The following CLHC1 variants were observed in gnomAD, a reference collection of about 807,000 sequenced individuals.
The protein encoded by CLHC1 is clathrin heavy chain linker domain containing 1.
In CLHC1, 72 loss-of-function variants were observed where a neutral mutation model predicts 69.5. The ratio of observed to expected loss-of-function variants is 1.04; its 90% confidence interval spans 0.86 to 1.26. The LOEUF is 1.26. Ranked by LOEUF, CLHC1 falls within the 50% of genes most tolerant of loss-of-function variation. The probability of loss-of-function intolerance (pLI) is 0.00; values close to 1 mark genes in which losing one functional copy is unlikely to be tolerated. For missense variants in CLHC1, 790 were observed against 679.3 expected (o/e 1.16, Z -1.81); for synonymous variants, 223 against 224.3 (o/e 0.99, Z 0.05).
chr2:55,229,787 T>C (rs188976089), intron 1 of CLHC1, among the ~76,000 whole-genome samples: 47 of 152,312 alleles, frequency 3.1e-4, no homozygotes, highest in Non-Finnish European at 6.3e-4. Flanking sequence ...TAAAGAATTG[T>C]TCTTGGCCAG....
intron 1 of CLHC1, among the ~76,000 whole-genome samples, chr2:55,228,782 G>A (rs1674961954): frequency 6.6e-6 from 1 of 152,154 alleles, no homozygotes; most frequent in Non-Finnish European, 1.5e-5. Context: ...CTAGACAATG[G>A]AGACACAGTA....
intron 9 of CLHC1, among the ~76,000 whole-genome samples, chr2:55,204,645 C>T (rs1672265763): frequency 6.6e-6 from 1 of 152,122 alleles, no homozygotes; most frequent in African/African-American, 2.4e-5. Flanking sequence ...ATGATTAATG[C>T]AGTGCTATTC....
intron 5 of CLHC1, among the ~76,000 whole-genome samples, chr2:55,210,356 C>T (rs753670557): frequency 3.3e-5 from 5 of 151,794 alleles, no homozygotes; most frequent in East Asian, 1.9e-4. Flanking sequence ...CCACCATGCC[C>T]GGCTAATTTT....
At chr2:55,201,781 C>T (rs925502379) in intron 9 of CLHC1, among the ~76,000 whole-genome samples, 4 of 151,884 alleles carry the variant, frequency 2.6e-5, no homozygotes, top group Non-Finnish European at 5.9e-5. Flanking sequence ...TACTAGCAAA[C>T]CCCAATAACA....
chr2:55,172,632 T>C lies in CLHC1; in HGVS notation c.*3158A>G, dbSNP rs1160334332. On this transcript the variant is annotated 3_prime_UTR_variant, in exon 13 of 13. Transcript: ENST00000401408. The stretch of plus-strand genomic sequence containing the variant: ...CTGACAGCTTTATACACCGAACATT[T>C]GTTAAATGCCATTTTTTTCTGAGAA... Among the ~76,000 whole-genome samples, 4 of 151,842 alleles carry C rather than the reference T, an allele frequency of 2.6e-5. No individual in the cohort carries two copies. Among genetic ancestry groups the C allele is most frequent in the Non-Finnish European group, 5.9e-5 (4 of 67,976 alleles).
At position 55,180,468 on chromosome 2, in the gene CLHC1, C is replaced by T. The variant is rs747494700; in HGVS notation, c.1384+42G>A. 20 of 1,446,370 alleles carry T rather than the reference C, an allele frequency of 1.4e-5. No homozygotes were observed. In the South Asian group the frequency reaches 1.9e-4, roughly 14 times the overall value. The allele number at this position is 1,446,370 out of a possible 1,614,324, so 89.6% of individuals were successfully genotyped here. ...TTATGGGTAATCTTACAATTAAAGCCCAGAATTCAAATGTATACAAATGGC... is the reference window on the plus strand; with the variant it reads ...TTATGGGTAATCTTACAATTAAAGCTCAGAATTCAAATGTATACAAATGGC... On this transcript the variant is annotated intron_variant, in intron 11 of 12. Coordinates refer to ENST00000401408, the MANE Select transcript of CLHC1 (RefSeq NM_152385.4).
chr2:55,210,701 T>C (rs1385315262), intron 5 of CLHC1, among the ~76,000 whole-genome samples: 2 of 152,204 alleles, frequency 1.3e-5, no homozygotes, highest in Non-Finnish European at 2.9e-5. Context: ...AAATCTCTCA[T>C]TACCCTATTA....
rs1255116088 is a variant in CLHC1, at chr2:55,212,708, C to A, written c.464G>T (p.Cys155Phe). Reference protein sequence around the residue: ...AEYDTKEVKYCTFSKDPSKPI... With the variant: ...AEYDTKEVKYFTFSKDPSKPI... Reference sequence around the variant, plus strand: ...TTTTGAAGGATCTTTGGAGAAAGTACAATATTTTACTTCTTTTGTGTCATA... The same window carrying A: ...TTTTGAAGGATCTTTGGAGAAAGTAAAATATTTTACTTCTTTTGTGTCATA... Residue 155 changes from cysteine (C) to phenylalanine (F), a missense_variant, in exon 5 of 13, where the codon TGT (cysteine) becomes TTT (phenylalanine). Transcript: ENST00000401408. The A allele has an allele frequency of 1.3e-6, 2 of 1,597,516 alleles. No individual in the cohort carries two copies. Among genetic ancestry groups the A allele is most frequent in the East Asian group, 4.5e-5 (2 of 44,708 alleles).
At chr2:55,215,859 A>G (rs567151834) in intron 4 of CLHC1, 1 of 152,274 alleles carries the variant, frequency 6.6e-6, no homozygotes, top group Admixed American at 6.5e-5. Context: ...TTTTCGGAAG[A>G]TTTTTGAAAA....
intron 9 of CLHC1, among the ~76,000 whole-genome samples, chr2:55,192,372 G>T (rs187263027): frequency 2.0e-5 from 3 of 151,954 alleles, no homozygotes; most frequent in African/African-American, 7.3e-5. Flanking sequence ...CACCCACCTC[G>T]GCCTCCTAAA....
intron 1 of CLHC1, among the ~76,000 whole-genome samples, chr2:55,230,473 C>T (rs909512463): frequency 1.3e-5 from 2 of 152,186 alleles, no homozygotes; most frequent in African/African-American, 4.8e-5. Flanking sequence ...ATATCTGTGA[C>T]ATATCTGGTC....
intron 1 of CLHC1, among the ~76,000 whole-genome samples, chr2:55,230,146 G>A (rs1258442459): frequency 6.6e-6 from 1 of 152,260 alleles, no homozygotes; most frequent in Non-Finnish European, 1.5e-5. Flanking sequence ...GTCAAAGCTG[G>A]AAGTGCTGTT....
chr2:55,194,549 C>A (rs1273355019), intron 9 of CLHC1, among the ~76,000 whole-genome samples: 16 of 146,674 alleles, frequency 1.1e-4, no homozygotes, highest in African/African-American at 3.5e-4. Flanking sequence ...TTAGCCAGTA[C>A]AATAAAGCAA....
chr2:55,229,150 CAAAAAAA>C (rs34823201), intron 1 of CLHC1, among the ~76,000 whole-genome samples: 5 of 108,256 alleles, frequency 4.6e-5, no homozygotes, highest in Non-Finnish European at 7.1e-5. Context: ...GATTCTGTCT[CAAAAAAA>C]AAAAAAAAAA....
At chr2:55,226,407 T>G (rs1674715230) in intron 2 of CLHC1, among the ~76,000 whole-genome samples, 1 of 152,144 alleles carries the variant, frequency 6.6e-6, no homozygotes, top group South Asian at 2.1e-4. Flanking sequence ...CCAGACAAAA[T>G]TAATGAAATA....
At chr2:55,193,689 G>C (rs6747364) in intron 9 of CLHC1, among the ~76,000 whole-genome samples, 1 of 151,910 alleles carries the variant, frequency 6.6e-6, no homozygotes, top group Non-Finnish European at 1.5e-5. Context: ...AATGGAAAAC[G>C]GTGCAACCAA....
intron 5 of CLHC1, among the ~76,000 whole-genome samples, chr2:55,212,334 C>T (rs146673204): frequency 2.0e-5 from 3 of 152,288 alleles, no homozygotes; most frequent in Admixed American, 2.0e-4. Context: ...CTGAACTCCA[C>T]CCACTGAGTT....
intron 8 of CLHC1, among the ~76,000 whole-genome samples, chr2:55,208,037 G>T (rs1327652375): frequency 6.6e-6 from 1 of 152,032 alleles, no homozygotes; most frequent in Non-Finnish European, 1.5e-5. Flanking sequence ...ATAAGTCAGG[G>T]GATAGAAGTA....
At chr2:55,195,246 A>ACTT (rs1287343768) in intron 9 of CLHC1, among the ~76,000 whole-genome samples, 1 of 151,958 alleles carries the variant, frequency 6.6e-6, no homozygotes, top group East Asian at 1.9e-4. Context: ...TATGAATTCA[A>ACTT]CTTTTTTGGA....
Sources: gnomAD v4.1 joint callset for allele counts (sites outside exome capture counted in the v4.1 genomes callset) on GRCh38, gnomAD v4.1.1 for gene constraint, MANE v1.5 for transcripts, NCBI Gene and HGNC (gene_info 2026-07-23, HGNC 2026-07-21) for gene names.